The following SLC35F2 variants were observed in gnomAD, a reference collection of about 807,000 sequenced individuals.
The protein encoded by SLC35F2 is solute carrier family 35 member F2.
SLC35F2 carries 25 observed loss-of-function variants against 38.1 expected under a neutral mutation model. That is an observed-to-expected ratio of 0.66 (90% CI 0.48 to 0.92). SLC35F2 has a LOEUF of 0.92. Ranked by LOEUF, SLC35F2 falls within the 40% of genes least tolerant of loss-of-function variation. The pLI, the probability that SLC35F2 is intolerant of heterozygous loss-of-function variation, is 0.00. For synonymous variants in SLC35F2, 173 were observed against 181.7 expected (o/e 0.95, Z 0.38); for missense variants, 409 against 452.9 (o/e 0.90, Z 0.88).
chr11:107,856,852 C>CAGGA (rs1188013989), intron 1 of SLC35F2, among the ~76,000 whole-genome samples: 3 of 96,686 alleles, frequency 3.1e-5, no homozygotes, highest in South Asian at 4.1e-4. Context: ...GTGACTTGTC[C>CAGGA]AGGAAGGAAG....
At chr11:107,808,554 T>C (rs570011183) in intron 3 of SLC35F2, among the ~76,000 whole-genome samples, 2 of 152,294 alleles carry the variant, frequency 1.3e-5, no homozygotes, top group Admixed American at 6.5e-5. Flanking sequence ...TCCCTGATTC[T>C]CTCTGTATCT....
In SLC35F2 at chr11:107,805,435, T is replaced by C; in HGVS notation, c.655A>G (p.Ile219Val). The C allele has an allele frequency of 1.9e-6, 3 of 1,614,154 alleles. No individual in the cohort carries two copies. Among genetic ancestry groups the C allele is most frequent in the Non-Finnish European group, 2.5e-6 (3 of 1,180,024 alleles). ...YAISNVCEEY[I>V]VKKLSRQEFL... ...TCCTGTCTGCTCAGCTTCTTCACGATGTATTCCTCACAAACATTTGAAATG... is the reference window on the plus strand; with the variant it reads ...TCCTGTCTGCTCAGCTTCTTCACGACGTATTCCTCACAAACATTTGAAATG... Residue 219 changes from isoleucine (I) to valine (V), a missense_variant, in exon 5 of 8, where the codon ATC (isoleucine) becomes GTC (valine). By Grantham distance (29) the Ile-to-Val change is conservative. Coordinates refer to ENST00000525815, the MANE Select transcript of SLC35F2 (RefSeq NM_017515.5).
intron 1 of SLC35F2, among the ~76,000 whole-genome samples, chr11:107,837,439 G>A (rs1210451502): frequency 6.6e-6 from 1 of 150,964 alleles, no homozygotes; most frequent in Non-Finnish European, 1.5e-5. Context: ...TGTAATCCCA[G>A]CACTTTGGGA....
intron 1 of SLC35F2, among the ~76,000 whole-genome samples, chr11:107,837,078 T>C (rs1026269802): frequency 1.8e-4 from 27 of 152,162 alleles, no homozygotes; most frequent in African/African-American, 5.8e-4. Context: ...ACTAGTTCCA[T>C]GGAAACCAAC....
At chr11:107,834,004 G>A (rs1329060527) in intron 1 of SLC35F2, among the ~76,000 whole-genome samples, 1 of 152,152 alleles carries the variant, frequency 6.6e-6, no homozygotes, top group Admixed American at 6.6e-5. Flanking sequence ...TGCCGGACAC[G>A]GACTCAAGGC....
intron 3 of SLC35F2, chr11:107,810,344 G>A (rs1162333279): frequency 1.0e-6 from 1 of 984,930 alleles, no homozygotes; most frequent in East Asian, 1.1e-4. Context: ...CCAACTGTAA[G>A]TGTTCTGTTT....
intron 1 of SLC35F2, among the ~76,000 whole-genome samples, chr11:107,818,710 T>C (rs1859622116): frequency 6.6e-6 from 1 of 152,216 alleles, no homozygotes; most frequent in African/African-American, 2.4e-5. Flanking sequence ...CTCTACCACA[T>C]GACTACATCA....
intron 1 of SLC35F2, among the ~76,000 whole-genome samples, chr11:107,818,056 C>CAAAA (rs57787130): frequency 7.6e-5 from 5 of 66,134 alleles, no homozygotes; most frequent in South Asian, 5.9e-4. Flanking sequence ...GACTCTGTCT[C>CAAAA]AAAAAAAAAA....
At chr11:107,822,551 C>A (rs1591196541) in intron 1 of SLC35F2, among the ~76,000 whole-genome samples, 1 of 152,066 alleles carries the variant, frequency 6.6e-6, no homozygotes, top group African/African-American at 2.4e-5. Context: ...CCACTGTGTG[C>A]CCCCACAAAA....
intron 1 of SLC35F2, among the ~76,000 whole-genome samples, chr11:107,840,002 A>G (rs1006871912): frequency 1.3e-5 from 2 of 152,136 alleles, no homozygotes; most frequent in Admixed American, 6.5e-5. Context: ...GGTCAGAGGA[A>G]CTTAAGTCTA....
rs1859127494 is a variant in SLC35F2, at chr11:107,791,332, G to C, written c.*1283C>G. 1 of 152,118 alleles carries C rather than the reference G, an allele frequency of 6.6e-6. No individual in the cohort carries two copies. Among genetic ancestry groups the C allele is most frequent in the Admixed American group, 6.5e-5 (1 of 15,272 alleles). 9.4% of individuals were successfully genotyped at this position (152,118 alleles called of 1,614,324 possible). ...AAAAACAAAGCTTTTTCTTTGTTGT[G>C]ATACTGTGCACTAAGACTTAGTTTC... is the stretch of plus-strand genomic sequence containing the variant. On this transcript the variant is annotated 3_prime_UTR_variant, in exon 8 of 8. Coordinates refer to ENST00000525815, the MANE Select transcript of SLC35F2 (RefSeq NM_017515.5).
intron 1 of SLC35F2, among the ~76,000 whole-genome samples, chr11:107,830,990 T>A (rs890372816): frequency 6.6e-6 from 1 of 152,208 alleles, no homozygotes; most frequent in African/African-American, 2.4e-5. Flanking sequence ...CACTGTATTC[T>A]ACTTACTATG....
chr11:107,810,353 T>C, intron 3 of SLC35F2: 1 of 985,096 alleles, frequency 1.0e-6, no homozygotes, highest in Non-Finnish European at 1.2e-6. Flanking sequence ...AGTGTTCTGT[T>C]TAACTGTGTT....
At chr11:107,841,685 A>C (rs1378753733) in intron 1 of SLC35F2, among the ~76,000 whole-genome samples, 1 of 152,136 alleles carries the variant, frequency 6.6e-6, no homozygotes, top group East Asian at 1.9e-4. Context: ...AAAATTTTAA[A>C]GCCTGGCCGG....
intron 1 of SLC35F2, among the ~76,000 whole-genome samples, chr11:107,851,381 T>C (rs1860182645): frequency 6.6e-6 from 1 of 151,132 alleles, no homozygotes; most frequent in Admixed American, 6.6e-5. Context: ...GAGAATGGCT[T>C]GAACCCCGGA....
At chr11:107,803,287 A>T in intron 6 of SLC35F2, 132 bp from the exon 7 acceptor site, 1 of 1,313,492 alleles carries the variant, frequency 7.6e-7, no homozygotes, top group Non-Finnish European at 9.8e-7. Flanking sequence ...GTTAACAGTC[A>T]GCATTGAAAA....
chr11:107,822,221 G>A (rs577404043), intron 1 of SLC35F2, among the ~76,000 whole-genome samples: 17 of 152,138 alleles, frequency 1.1e-4, no homozygotes, highest in Admixed American at 1.0e-3. Context: ...GCAACAAAGC[G>A]AGACTCCGTC....
chr11:107,824,620 A>G (rs993264949), intron 1 of SLC35F2, among the ~76,000 whole-genome samples: 3 of 152,248 alleles, frequency 2.0e-5, no homozygotes, highest in Admixed American at 1.3e-4. Flanking sequence ...CCAAAGATCT[A>G]ACTCTACTCT....
chr11:107,807,026 G>A lies in SLC35F2; in HGVS notation c.415-150C>T, dbSNP rs1356609701. 1.7e-5 allele frequency: 11 copies of A among 639,180 alleles called. No homozygotes were observed. The East Asian group carries it at 2.9e-4, about 17-fold the overall frequency. The allele number at this position is 639,180 out of a possible 1,614,324, so 39.6% of individuals were successfully genotyped here. ...CAGCCCTGTACTAAGAGCTTTACCT[G>A]GATTCACTCATTTAATCCTCACAAT... is the stretch of plus-strand genomic sequence containing the variant. On this transcript the variant is annotated intron_variant, in intron 3 of 7. Transcript: ENST00000525815.
Sources: allele counts gnomAD v4.1 joint callset (sites outside exome capture counted in the v4.1 genomes callset), GRCh38; gene constraint gnomAD v4.1.1; transcripts MANE v1.5; gene names NCBI Gene and HGNC (gene_info 2026-07-23, HGNC 2026-07-21).